The following RABGAP1 variants were observed in gnomAD, a reference collection of about 807,000 sequenced individuals.
RABGAP1 encodes the protein RAB GTPase activating protein 1.
A neutral mutation model predicts 137.6 loss-of-function variants in RABGAP1; 23 were observed. The ratio of observed to expected loss-of-function variants is 0.17; its 90% CI spans 0.12 to 0.24. The LOEUF (loss-of-function observed/expected upper bound fraction) is 0.24. Ranked by LOEUF, RABGAP1 falls within the 10% of genes least tolerant of loss-of-function variation. The pLI, the probability that RABGAP1 is intolerant of heterozygous loss-of-function variation, is 1.00. For missense variants in RABGAP1, 906 were observed against 1,275.8 expected, an observed-to-expected ratio of 0.71 and a Z score of 4.42; for synonymous variants, 451 against 450.7, an observed-to-expected ratio of 1.00 and a Z score of -0.01.
the RABGAP1 span, among the ~76,000 whole-genome samples, chr9:122,935,302 G>A: frequency 1.3e-5 from 2 of 152,050 alleles, no homozygotes; most frequent in Non-Finnish European, 2.9e-5. Context: ...TTCTGTTACT[G>A]ATGTCACAGA....
At chr9:122,962,043 T>A (rs1019967326) in intron 2 of RABGAP1, among the ~76,000 whole-genome samples, 1 of 152,134 alleles carries the variant, frequency 6.6e-6, no homozygotes, top group Non-Finnish European at 1.5e-5. Context: ...AAAGTAATAA[T>A]TGTGACAATG....
chr9:122,971,271 A>G (rs557337440), intron 2 of RABGAP1, among the ~76,000 whole-genome samples: 1 of 152,270 alleles, frequency 6.6e-6, no homozygotes, highest in African/African-American at 2.4e-5. Context: ...GCCTTCATGT[A>G]TGTTTAGAGT....
At chr9:122,978,407 T>G (rs1835875848) in intron 2 of RABGAP1, among the ~76,000 whole-genome samples, 1 of 152,228 alleles carries the variant, frequency 6.6e-6, no homozygotes, top group South Asian at 2.1e-4. Flanking sequence ...AAGAATCTTT[T>G]TATTAATCTA....
At chr9:123,061,243 C>T (rs187990051) in intron 13 of RABGAP1, among the ~76,000 whole-genome samples, 28 of 152,230 alleles carry the variant, frequency 1.8e-4, no homozygotes, top group South Asian at 4.1e-4. Context: ...TTCAGCCTCC[C>T]GAATAGCTAA....
chr9:123,030,909 C>T (rs1377121034), intron 13 of RABGAP1, among the ~76,000 whole-genome samples: 2 of 151,956 alleles, frequency 1.3e-5, no homozygotes, highest in Admixed American at 1.3e-4. Flanking sequence ...CAAAGCAAAA[C>T]ATTTAATTCC....
At chr9:123,027,198 C>A (rs2032027989) in intron 13 of RABGAP1, among the ~76,000 whole-genome samples, 1 of 147,664 alleles carries the variant, frequency 6.8e-6, no homozygotes. Context: ...CTCACTGGAA[C>A]TTCCGCCTCC....
intron 10 of RABGAP1, among the ~76,000 whole-genome samples, chr9:123,005,097 A>T (rs2131851197): frequency 6.6e-6 from 1 of 150,958 alleles, no homozygotes; most frequent in South Asian, 2.1e-4. Context: ...TCTTGCAGTT[A>T]ATAATAGAAT....
chr9:122,956,387 T>C (rs1834518754), intron 1 of RABGAP1, among the ~76,000 whole-genome samples: 1 of 152,214 alleles, frequency 6.6e-6, no homozygotes. Context: ...TTCATTTACA[T>C]GTACAACTTT....
Position 123,076,726 on chromosome 9 carries a change from T to C in RABGAP1, c.2388T>C (p.Asn796=), listed in dbSNP as rs145521983. 466 of 1,603,314 alleles carry C rather than the reference T, an allele frequency of 2.9e-4. 6 individuals are homozygous for C. Among genetic ancestry groups the C allele is most frequent in the Non-Finnish European group, 4.4e-5 (52 of 1,174,936 alleles). ...QLPKRYRSEE[N]AKKLMELACN... is the part of the protein sequence containing the mutation. Reference sequence around the variant, plus strand: ...CTAAGAGATACCGCTCAGAAGAAAATGCAAAAAAACTAATGGAATTAGCCT... The same window carrying C: ...CTAAGAGATACCGCTCAGAAGAAAACGCAAAAAAACTAATGGAATTAGCCT... The change falls in exon 19 of 26, where the codon AAT becomes AAC. Residue 796 remains asparagine, a synonymous_variant. Transcript: ENST00000373647.
rs180887156 is a variant in RABGAP1, at chr9:123,085,628, G to A, written c.2425-4130G>A. Among the ~76,000 whole-genome samples, 40 of 152,308 alleles carry A rather than the reference G, an allele frequency of 2.6e-4. No individual in the cohort carries two copies. In the East Asian group the frequency reaches 6.2e-3, roughly 23 times the overall value. ...CAGTGAACAGCGGGTATGATTCAGAGCTCTGAGTCTAAATCCATAGCTTCC... is the reference window on the plus strand; with the variant it reads ...CAGTGAACAGCGGGTATGATTCAGAACTCTGAGTCTAAATCCATAGCTTCC... On this transcript the variant is annotated intron_variant, in intron 19 of 25. Transcript: ENST00000373647.
intron 13 of RABGAP1, among the ~76,000 whole-genome samples, chr9:123,056,442 C>T (rs1027408743): frequency 2.0e-5 from 3 of 150,864 alleles, no homozygotes; most frequent in African/African-American, 7.3e-5. Context: ...GGCAGGGCCA[C>T]TCAAAATCCA....
At position 122,998,712 on chromosome 9, in the gene RABGAP1, C is replaced by T; in HGVS notation, c.1320C>T (p.Phe440=). 2.5e-6 allele frequency: 4 copies of T among 1,612,170 alleles called. No homozygotes were observed. Among genetic ancestry groups the T allele is most frequent in the Non-Finnish European group, 3.4e-6 (4 of 1,178,616 alleles). The change falls in exon 10 of 26, where the codon TTC becomes TTT. Residue 440 remains phenylalanine, a synonymous_variant. Transcript: ENST00000373647. The part of the protein sequence containing the change: ...VRVCSPNERL[F]WPFSKRSTTE... ...TTTGCTCACCTAATGAAAGATTATT[C>T]TGGCCCTTCAGCAAACGTAGTACTA...
At chr9:122,954,682 C>A (rs1219108803) in intron 1 of RABGAP1, among the ~76,000 whole-genome samples, 1 of 152,106 alleles carries the variant, frequency 6.6e-6, no homozygotes, top group Admixed American at 6.5e-5. Flanking sequence ...GAAAACTTCT[C>A]TTGAAGTACA....
chr9:123,006,067 T>G (rs1419161244), intron 10 of RABGAP1, among the ~76,000 whole-genome samples: 1 of 152,230 alleles, frequency 6.6e-6, no homozygotes, highest in East Asian at 1.9e-4. Context: ...GTCTTTATTT[T>G]CAGAACCTCT....
chr9:122,987,681 C>A (rs560492882), intron 4 of RABGAP1, among the ~76,000 whole-genome samples: 2 of 152,100 alleles, frequency 1.3e-5, no homozygotes, highest in Admixed American at 6.5e-5. Context: ...AGGCTTTTAT[C>A]TTTCAGAGAA....
At chr9:122,996,970 A>G in intron 8 of RABGAP1, 1 of 549,642 alleles carries the variant, frequency 1.8e-6, no homozygotes, top group Non-Finnish European at 3.4e-6. Context: ...TTTATTTTCA[A>G]AACTAAAAAT....
At chr9:122,979,130 A>T (rs1470892524) in intron 2 of RABGAP1, among the ~76,000 whole-genome samples, 1 of 152,036 alleles carries the variant, frequency 6.6e-6, no homozygotes, top group Non-Finnish European at 1.5e-5. Context: ...ACTCCTAGAG[A>T]CACACAGTCC....
intron 18 of RABGAP1, 59 bp downstream of exon 18, chr9:123,076,345 A>T: frequency 1.3e-6 from 2 of 1,541,430 alleles, no homozygotes; most frequent in South Asian, 2.3e-5. Context: ...CTTGCAATAC[A>T]TTGGTTGTAG....
At chr9:123,008,322 G>T (rs536090123) in intron 10 of RABGAP1, among the ~76,000 whole-genome samples, 40 of 152,068 alleles carry the variant, frequency 2.6e-4, no homozygotes, top group African/African-American at 7.0e-4. Context: ...CACTTTGGGA[G>T]GCCAAGGCAG....
Sources: allele counts gnomAD v4.1 joint callset (sites outside exome capture counted in the v4.1 genomes callset), GRCh38; gene constraint gnomAD v4.1.1; transcripts MANE v1.5; gene names NCBI Gene and HGNC (gene_info 2026-07-23, HGNC 2026-07-21).